RNF150: variants seen among roughly 807,000 people sequenced by gnomAD.
RNF150 encodes ring finger protein 150.
Under a neutral mutation model 39.3 loss-of-function variants are expected in RNF150, and 24 were observed. The observed-to-expected ratio is 0.61, with a 90% CI of 0.44 to 0.86. The LOEUF (loss-of-function observed/expected upper bound fraction) is 0.86. Among genes scored for constraint, RNF150 ranks in the 40% least tolerant of loss-of-function variants. RNF150 has a pLI of 0.00. For synonymous variants in RNF150, 255 were observed against 227.3 expected (o/e 1.12, Z -1.10); for missense variants, 502 against 587.8 (o/e 0.85, Z 1.51).
At chr4:140,921,340 C>T (rs565136255) in intron 5 of RNF150, among the ~76,000 whole-genome samples, 3 of 151,716 alleles carry the variant, frequency 2.0e-5, no homozygotes, top group Non-Finnish European at 4.4e-5. Flanking sequence ...CTATAAACAC[C>T]TCTACACGAA....
intron 1 of RNF150, among the ~76,000 whole-genome samples, chr4:141,081,602 G>A (rs190365441): frequency 6.6e-4 from 100 of 152,228 alleles, no homozygotes; most frequent in Admixed American, 1.3e-3. Flanking sequence ...CTGGTTAAAG[G>A]AATATAAAAA....
At chr4:141,209,838 C>T (rs974379109) in intron 1 of RNF150, among the ~76,000 whole-genome samples, 3 of 151,900 alleles carry the variant, frequency 2.0e-5, no homozygotes, top group African/African-American at 7.3e-5. Flanking sequence ...AGACCCCATC[C>T]CTAAAAGACA....
chr4:140,886,836 T>C (rs1490438542), intron 6 of RNF150, among the ~76,000 whole-genome samples: 1 of 152,170 alleles, frequency 6.6e-6, no homozygotes, highest in Non-Finnish European at 1.5e-5. Context: ...ACTTTGTCAA[T>C]GGTTCGCTTT....
At chr4:140,965,472 G>A (rs988762708) in intron 2 of RNF150, among the ~76,000 whole-genome samples, 2 of 152,102 alleles carry the variant, frequency 1.3e-5, no homozygotes, top group South Asian at 2.1e-4. Context: ...TCACGACAGC[G>A]AAGATAGGGA....
chr4:140,936,615 A>T (rs1255086308), intron 4 of RNF150, among the ~76,000 whole-genome samples: 1 of 152,156 alleles, frequency 6.6e-6, no homozygotes, highest in Non-Finnish European at 1.5e-5. Flanking sequence ...AAATTCGTTA[A>T]TTTTATAGCA....
At chr4:141,075,246 C>A (rs766457831) in intron 1 of RNF150, among the ~76,000 whole-genome samples, 1 of 152,162 alleles carries the variant, frequency 6.6e-6, no homozygotes, top group Non-Finnish European at 1.5e-5. Flanking sequence ...CACTGTAATG[C>A]GAAAGCAGCT....
At chr4:140,877,325 A>T (rs1729194247) in intron 6 of RNF150, among the ~76,000 whole-genome samples, 1 of 151,892 alleles carries the variant, frequency 6.6e-6, no homozygotes, top group African/African-American at 2.4e-5. Flanking sequence ...GTTTTTTTTT[A>T]CAATGCCCAA....
chr4:140,966,559 C>T (rs1232453222), intron 2 of RNF150, among the ~76,000 whole-genome samples: 12 of 152,004 alleles, frequency 7.9e-5, no homozygotes, highest in African/African-American at 1.7e-4. Flanking sequence ...AAAGTAGTTA[C>T]TTCACCAAAA....
intron 1 of RNF150, among the ~76,000 whole-genome samples, chr4:141,071,664 GA>G (rs535813285): frequency 1.9e-4 from 29 of 152,114 alleles, no homozygotes; most frequent in Non-Finnish European, 4.1e-4. Context: ...AACATCCTAT[GA>G]CTCTTGAAAG....
intron 1 of RNF150, among the ~76,000 whole-genome samples, chr4:141,104,690 G>A (rs894596549): frequency 5.9e-5 from 9 of 152,166 alleles, no homozygotes; most frequent in East Asian, 5.8e-4. Context: ...AGGCTGAATC[G>A]TCAACTTCCT....
At chr4:141,035,665 T>C (rs1257582047) in intron 1 of RNF150, among the ~76,000 whole-genome samples, 1 of 152,136 alleles carries the variant, frequency 6.6e-6, no homozygotes, top group East Asian at 1.9e-4. Context: ...CCTAAGCTTG[T>C]GAGTCTAAGT....
At chr4:141,021,296 T>G (rs551027549) in intron 1 of RNF150, among the ~76,000 whole-genome samples, 1 of 152,184 alleles carries the variant, frequency 6.6e-6, no homozygotes, top group Non-Finnish European at 1.5e-5. Flanking sequence ...TAAAAAAATC[T>G]AGGCTTAGTT....
intron 2 of RNF150, among the ~76,000 whole-genome samples, chr4:140,957,728 T>G (rs1334962327): frequency 6.6e-6 from 1 of 151,910 alleles, no homozygotes; most frequent in Non-Finnish European, 1.5e-5. Context: ...CCATAAAAAA[T>G]GATGAGTTTA....
At chr4:140,876,464 G>A (rs1345145868) in intron 6 of RNF150, among the ~76,000 whole-genome samples, 1 of 152,232 alleles carries the variant, frequency 6.6e-6, no homozygotes, top group East Asian at 1.9e-4. Context: ...TTCCCACTTG[G>A]TTTATGTTTT....
At chr4:141,067,261 C>G (rs1560719212) in intron 1 of RNF150, among the ~76,000 whole-genome samples, 1 of 152,166 alleles carries the variant, frequency 6.6e-6, no homozygotes, top group Non-Finnish European at 1.5e-5. Context: ...ATCTAAAAAA[C>G]TACCATTTTG....
chr4:140,913,761 C>A (rs1730708534), intron 5 of RNF150, among the ~76,000 whole-genome samples: 1 of 152,198 alleles, frequency 6.6e-6, no homozygotes, highest in Admixed American at 6.5e-5. Context: ...GTGCCACTGA[C>A]AATGACTAGG....
At chr4:141,011,302 AC>A (rs1191496301) in intron 1 of RNF150, among the ~76,000 whole-genome samples, 1 of 152,126 alleles carries the variant, frequency 6.6e-6, no homozygotes, top group Admixed American at 6.5e-5. Context: ...ATAATGAGCC[AC>A]TATGGTCAAC....
Position 141,014,173 on chromosome 4 carries a change from C to A in RNF150, c.485-46300G>T, listed in dbSNP as rs77464670. On this transcript the variant is annotated intron_variant, in intron 1 of 6. Transcript: ENST00000515673. ...TGTTGCAAGTAACAGGATTCCCACT[C>A]CCCCTTTAATGCTGAAAAGTATGCC... Among the ~76,000 whole-genome samples, 11 of 152,282 alleles carry A rather than the reference C, an allele frequency of 7.2e-5. No individual in the cohort carries two copies. In the East Asian group the frequency reaches 2.1e-3, roughly 29 times the overall value.
intron 1 of RNF150, among the ~76,000 whole-genome samples, chr4:140,973,214 G>A (rs1579017582): frequency 1.3e-5 from 2 of 151,938 alleles, no homozygotes; most frequent in African/African-American, 4.8e-5. Context: ...GTAAAGCTAG[G>A]AAAAATGTGA....
Sources: allele counts gnomAD v4.1 joint callset (sites outside exome capture counted in the v4.1 genomes callset), GRCh38; gene constraint gnomAD v4.1.1; transcripts MANE v1.5; gene names NCBI Gene and HGNC (gene_info 2026-07-23, HGNC 2026-07-21).